Variants in FGD3 observed in about 807,000 individuals in gnomAD.
The protein encoded by FGD3 is FYVE, RhoGEF and PH domain containing 3.
A neutral mutation model predicts 71.8 loss-of-function variants in FGD3; 45 were observed. That is an observed-to-expected ratio of 0.63 (90% CI 0.49 to 0.80). FGD3 has a LOEUF of 0.80. Ranked by LOEUF, FGD3 falls within the 30% of genes least tolerant of loss-of-function variation. The pLI, the probability that FGD3 is intolerant of heterozygous loss-of-function variation, is 0.00. For synonymous variants in FGD3, 378 were observed against 392.8 expected (o/e 0.96, Z 0.44); for missense variants, 844 against 951.5 (o/e 0.89, Z 1.49).
chr9:93,012,278 A>G lies in FGD3; in HGVS notation c.1035+1006A>G, dbSNP rs149188161. Among the ~76,000 whole-genome samples, 329 of 152,262 alleles carry G rather than the reference A, an allele frequency of 2.2e-3. 6 individuals are homozygous for G. The highest frequency in any genetic ancestry group is 0.018 in the Admixed American group (281 of 15,282). ...CAGTTTCATTTAATTATACAAATCC[A>G]AGTCTTTTCACCCAAAACTCACACA... On this transcript the variant is annotated intron_variant, in intron 8 of 17. Coordinates refer to ENST00000375482, the MANE Select transcript of FGD3 (RefSeq NM_001083536.2).
intron 3 of FGD3, among the ~76,000 whole-genome samples, chr9:93,000,439 G>A (rs2118687069): frequency 6.6e-6 from 1 of 152,262 alleles, no homozygotes; most frequent in South Asian, 2.1e-4. Context: ...TTAACATAAA[G>A]TACTCCTTAA....
chr9:93,022,434 C>G (rs1192738664), intron 14 of FGD3, 45 bp downstream of exon 14: 3 of 1,595,372 alleles, frequency 1.9e-6, no homozygotes, highest in Admixed American at 1.7e-5. Flanking sequence ...AAAGGCAGAG[C>G]AGGGGGTCAG....
At chr9:93,024,733 A>T (rs1862056894) in intron 14 of FGD3, among the ~76,000 whole-genome samples, 1 of 152,196 alleles carries the variant, frequency 6.6e-6, no homozygotes, top group South Asian at 2.1e-4. Context: ...GCAGGAGCCC[A>T]GGCCTGGCTG....
chr9:93,034,761 C>T (rs1862525924), intron 17 of FGD3, 80 bp downstream of exon 17: 2 of 1,474,920 alleles, frequency 1.4e-6, no homozygotes, highest in Non-Finnish European at 9.1e-7. Context: ...AGGCCTGTGC[C>T]ACCAGCTGGG....
chr9:92,964,014 A>G (rs979946601), intron 1 of FGD3: 3 of 152,292 alleles, frequency 2.0e-5, no homozygotes, highest in African/African-American at 7.2e-5. Flanking sequence ...TCTACTCACA[A>G]AAGTCCACCC....
rs1366873312 is a variant in FGD3, at chr9:92,962,515, C to T, written c.-217-12723C>T. ...GGCCCCGGCATTGACAGCACAGCAA[C>T]GGTGATTCAGATGTTGGTGGCTGGG... is the stretch of plus-strand genomic sequence containing the variant. On this transcript the variant is annotated intron_variant, in intron 1 of 17. Coordinates refer to ENST00000375482, the MANE Select transcript of FGD3 (RefSeq NM_001083536.2). Among the ~76,000 whole-genome samples, 6 of 152,184 alleles carry T rather than the reference C, an allele frequency of 3.9e-5. No homozygotes were observed. The East Asian group carries it at 5.8e-4, about 15-fold the overall frequency.
intron 1 of FGD3, among the ~76,000 whole-genome samples, chr9:92,955,372 T>C (rs1431217354): frequency 6.6e-6 from 1 of 151,794 alleles, no homozygotes; most frequent in Non-Finnish European, 1.5e-5. Flanking sequence ...CCATCTCTAC[T>C]AAAAAAATAC....
chr9:92,999,185 C>T (rs191709529), intron 3 of FGD3, among the ~76,000 whole-genome samples: 314 of 152,332 alleles, frequency 2.1e-3, no homozygotes, highest in African/African-American at 7.4e-3. Flanking sequence ...GACGCCCCTC[C>T]CCCAGCCTCG....
At chr9:93,005,931 C>T (rs1861032235) in intron 5 of FGD3, 93 bp from the exon 6 acceptor site, 2 of 1,438,280 alleles carry the variant, frequency 1.4e-6, no homozygotes, top group African/African-American at 1.4e-5. Flanking sequence ...AGCTGGCCTC[C>T]ACCCCACACC....
At position 92,983,737 on chromosome 9, in the gene FGD3, T is replaced by C. The variant is rs1335232665; in HGVS notation, c.453+7028T>C. On this transcript the variant is annotated intron_variant, in intron 3 of 17. Coordinates refer to ENST00000375482, the MANE Select transcript of FGD3 (RefSeq NM_001083536.2). Reference sequence around the variant, plus strand: ...ACTCCTTTAACTCTAGCCAATATGGTCACATACAGAATTTCTTTTACAAGA... The same window carrying C: ...ACTCCTTTAACTCTAGCCAATATGGCCACATACAGAATTTCTTTTACAAGA... 3.3e-5 allele frequency among the ~76,000 whole-genome samples: 5 copies of C among 152,334 alleles called. 1 individual carries two copies. The highest frequency in any genetic ancestry group is 3.3e-4 in the Admixed American group (5 of 15,302).
chr9:92,981,385 GAAAAAAAAGA>G (rs1340950345), intron 3 of FGD3, among the ~76,000 whole-genome samples: 1 of 132,630 alleles, frequency 7.5e-6, no homozygotes, highest in African/African-American at 2.8e-5. Context: ...AAAAAAAAAA[GAAAAAAAAGA>G]AAGAAAAAGT....
intron 1 of FGD3, among the ~76,000 whole-genome samples, chr9:92,973,190 C>G (rs551248337): frequency 6.8e-6 from 1 of 147,434 alleles, no homozygotes; most frequent in African/African-American, 2.5e-5. Context: ...TTTCAGCTCA[C>G]CGCAACATCC....
rs369602870 is a variant in FGD3 at position 92,990,168 on chromosome 9, T to C, written c.454-12757T>C. Among the ~76,000 whole-genome samples, 4 of 152,260 alleles carry C rather than the reference T, an allele frequency of 2.6e-5. No homozygotes were observed. In the East Asian group the frequency reaches 5.8e-4, roughly 22 times the overall value. Reference sequence around the variant, plus strand: ...ATAAGATCACATCAGCTAGGTTTAGTGGCTCACACCTGTAATCCCAGAACT... The same window carrying C: ...ATAAGATCACATCAGCTAGGTTTAGCGGCTCACACCTGTAATCCCAGAACT... On this transcript the variant is annotated intron_variant, in intron 3 of 17. Coordinates refer to ENST00000375482, the MANE Select transcript of FGD3 (RefSeq NM_001083536.2).
chr9:92,997,148 T>C (rs1320601906), intron 3 of FGD3, among the ~76,000 whole-genome samples: 1 of 152,218 alleles, frequency 6.6e-6, no homozygotes, highest in Non-Finnish European at 1.5e-5. Flanking sequence ...GCTTTATGAA[T>C]ATGGGTGCTC....
At position 93,003,759 on chromosome 9, in the gene FGD3, C is replaced by T. The variant is rs1308545045; in HGVS notation, c.544-242C>T. ...GCTGAGGAAAGATGTCATTCCCTGTCCTCAGGCGACTGTCCCTGCCTCACC... is the reference window on the plus strand; with the variant it reads ...GCTGAGGAAAGATGTCATTCCCTGTTCTCAGGCGACTGTCCCTGCCTCACC... On this transcript the variant is annotated intron_variant, in intron 4 of 17. Transcript: ENST00000375482. This position sits in a 1 kb window ranked among gnomAD's most constrained non-coding sequence, Gnocchi z 4.1. Among the ~76,000 whole-genome samples, 1 of 152,214 alleles carries T rather than the reference C, an allele frequency of 6.6e-6. No homozygotes were observed. The highest frequency in any genetic ancestry group is 2.4e-5 in the African/African-American group (1 of 41,466).
At chr9:92,947,930 C>T (rs1186500755) in intron 1 of FGD3, among the ~76,000 whole-genome samples, 1 of 152,054 alleles carries the variant, frequency 6.6e-6, no homozygotes, top group Non-Finnish European at 1.5e-5. Context: ...TTTCTGCCCC[C>T]TCCTGAGCAC....
chr9:92,968,255 A>T (rs1469108218), intron 1 of FGD3, among the ~76,000 whole-genome samples: 1 of 152,120 alleles, frequency 6.6e-6, no homozygotes, highest in Non-Finnish European at 1.5e-5. Flanking sequence ...ACAGTCTTAA[A>T]CAGTAGAAGT....
chr9:93,033,110 G>A (rs1053119603), intron 16 of FGD3: 4 of 584,618 alleles, frequency 6.8e-6, no homozygotes, highest in South Asian at 3.5e-5. Context: ...TTTGCATCCA[G>A]GAGTTAGATG....
At chr9:92,978,400 A>G (rs1263778973) in intron 3 of FGD3, among the ~76,000 whole-genome samples, 1 of 140,130 alleles carries the variant, frequency 7.1e-6, no homozygotes, top group Admixed American at 7.2e-5. Context: ...GCTGACTGAC[A>G]CTCCCACCGC....
Sources: gnomAD v4.1 joint callset for allele counts (sites outside exome capture counted in the v4.1 genomes callset) on GRCh38, gnomAD v4.1.1 for gene constraint, Gnocchi (gnomAD v3.1) non-coding constraint, MANE v1.5 for transcripts, NCBI Gene and HGNC (gene_info 2026-07-23, HGNC 2026-07-21) for gene names.